The following DGKB variants were observed in gnomAD, a reference collection of about 807,000 sequenced individuals.
DGKB encodes the protein diacylglycerol kinase beta, also known as 90 kDa diacylglycerol kinase.
A neutral mutation model predicts 114.3 loss-of-function variants in DGKB; 67 were observed. That is an observed-to-expected ratio of 0.59 (90% CI 0.48 to 0.72). The LOEUF is 0.72. Among genes scored for constraint, DGKB ranks in the 30% least tolerant of loss-of-function variants. DGKB has a pLI of 0.00. For missense variants in DGKB, 907 were observed against 975.2 expected (o/e 0.93, Z 0.93); for synonymous variants, 398 against 323.1 (o/e 1.23, Z -2.49).
chr7:14,736,472 G>A (rs926341935), intron 4 of DGKB, among the ~76,000 whole-genome samples: 2 of 79,854 alleles, frequency 2.5e-5, no homozygotes, highest in Non-Finnish European at 8.8e-5. Context: ...CTTGAAAAAT[G>A]TACTGTTTGA....
intron 21 of DGKB, 115 bp downstream of exon 21, chr7:14,478,040 ACACACG>A: frequency 1.1e-5 from 6 of 558,520 alleles, no homozygotes; most frequent in African/African-American, 7.6e-5. Flanking sequence ...ACACACACAC[ACACACG>A]CACACAAAGC....
At chr7:14,428,310 T>C (rs1380885187) in intron 21 of DGKB, among the ~76,000 whole-genome samples, 2 of 152,136 alleles carry the variant, frequency 1.3e-5, no homozygotes, top group Admixed American at 1.3e-4. Context: ...ATTTTGACTT[T>C]CACTTCTGTA....
intron 4 of DGKB, chr7:14,750,146 A>C (rs1010684619): frequency 3.9e-6 from 2 of 518,594 alleles, no homozygotes; most frequent in East Asian, 1.1e-4. Context: ...GCCCAACACC[A>C]CAAGCTTCTA....
intron 6 of DGKB, among the ~76,000 whole-genome samples, chr7:14,705,361 T>TG (rs1213755170): frequency 6.7e-6 from 1 of 148,708 alleles, no homozygotes; most frequent in Non-Finnish European, 1.5e-5. Flanking sequence ...CTGAAAGTGA[T>TG]GGGGAGAATG....
intron 4 of DGKB, among the ~76,000 whole-genome samples, chr7:14,741,478 A>C (rs954920464): frequency 4.6e-5 from 7 of 152,190 alleles, no homozygotes; most frequent in African/African-American, 1.7e-4. Flanking sequence ...CCACTATTCA[A>C]GTCAGCCTGG....
intron 20 of DGKB, among the ~76,000 whole-genome samples, chr7:14,495,392 T>A (rs1225005941): frequency 6.6e-6 from 1 of 151,790 alleles, no homozygotes; most frequent in Non-Finnish European, 1.5e-5. Flanking sequence ...GCACAACAAT[T>A]TCACTGTTAT....
intron 2 of DGKB, among the ~76,000 whole-genome samples, chr7:14,822,789 T>C (rs1845122348): frequency 1.3e-5 from 2 of 152,088 alleles, no homozygotes; most frequent in South Asian, 4.1e-4. Context: ...AAATAACAGA[T>C]CAAAGTGTTA....
chr7:14,450,660 T>A (rs1481910224), intron 21 of DGKB, among the ~76,000 whole-genome samples: 2 of 152,004 alleles, frequency 1.3e-5, no homozygotes, highest in Non-Finnish European at 2.9e-5. Flanking sequence ...TCTTGGGAGA[T>A]CCTTCTGTGA....
intron 5 of DGKB, among the ~76,000 whole-genome samples, chr7:14,721,699 A>G (rs1181629576): frequency 6.6e-6 from 1 of 152,156 alleles, no homozygotes; most frequent in Non-Finnish European, 1.5e-5. Flanking sequence ...AGAACTAATC[A>G]ACTCTTCCTT....
At chr7:14,438,090 C>A (rs1219007749) in intron 21 of DGKB, among the ~76,000 whole-genome samples, 1 of 151,856 alleles carries the variant, frequency 6.6e-6, no homozygotes, top group African/African-American at 2.4e-5. Context: ...CTCCCCACAC[C>A]ACAACCCCCA....
At chr7:14,729,001 C>A (rs972745851) in intron 5 of DGKB, among the ~76,000 whole-genome samples, 1 of 151,780 alleles carries the variant, frequency 6.6e-6, no homozygotes, top group African/African-American at 2.4e-5. Flanking sequence ...TGCCAAGGCT[C>A]CAGCCTCTTT....
chr7:14,894,050 T>C (rs1781720039), intron 1 of DGKB, among the ~76,000 whole-genome samples: 1 of 151,226 alleles, frequency 6.6e-6, no homozygotes, highest in African/African-American at 2.4e-5. Context: ...TCCTAAAATG[T>C]GCTCCAGGGT....
intron 23 of DGKB, among the ~76,000 whole-genome samples, chr7:14,310,124 G>T (rs1337510782): frequency 6.6e-6 from 1 of 152,146 alleles, no homozygotes; most frequent in Non-Finnish European, 1.5e-5. Flanking sequence ...GAGCATGCCT[G>T]AGAAAATATA....
At chr7:14,758,375 C>T (rs1299132774) in intron 2 of DGKB, among the ~76,000 whole-genome samples, 2 of 151,758 alleles carry the variant, frequency 1.3e-5, no homozygotes, top group African/African-American at 4.8e-5. Flanking sequence ...AAGTTAAATA[C>T]ATTAATATGA....
At position 14,178,117 on chromosome 7, in the gene DGKB, C is replaced by T; in HGVS notation, c.2157G>A (p.Leu719=). 1.9e-6 allele frequency: 3 copies of T among 1,613,128 alleles called. No individual in the cohort carries two copies. The highest frequency in any genetic ancestry group is 1.1e-5 in the South Asian group (1 of 90,984). ...LSDQLLEVVG[L]EGAMEMGQIY... The stretch of plus-strand genomic sequence containing the variant: ...TTTGCCCCATCTCCATGGCTCCTTC[C>T]AAGCCGACCACCTCCAGCAGCTGGT... The change falls in exon 24 of 26, where the codon TTG becomes TTA. Residue 719 remains leucine, a synonymous_variant. Transcript: ENST00000402815.
chr7:14,754,827 G>A (rs2128441927), intron 3 of DGKB, among the ~76,000 whole-genome samples: 1 of 152,260 alleles, frequency 6.6e-6, no homozygotes, highest in African/African-American at 2.4e-5. Flanking sequence ...GTACTGGGAA[G>A]TGCCACACTC....
intron 2 of DGKB, among the ~76,000 whole-genome samples, chr7:14,810,432 G>A: frequency 6.6e-6 from 1 of 152,104 alleles, no homozygotes; most frequent in Admixed American, 6.6e-5. Flanking sequence ...CCACAAATGT[G>A]TTCTGCAAAT....
chr7:14,492,085 G>A (rs991401750), intron 20 of DGKB, among the ~76,000 whole-genome samples: 1 of 151,932 alleles, frequency 6.6e-6, no homozygotes. Flanking sequence ...AGAGATAAAA[G>A]TGTTTTGTTT....
At chr7:14,631,230 T>C (rs1809626890) in intron 13 of DGKB, among the ~76,000 whole-genome samples, 1 of 140,174 alleles carries the variant, frequency 7.1e-6, no homozygotes, top group South Asian at 2.3e-4. Context: ...TATAGTCCCT[T>C]ACCCAGGAGA....
Sources: allele counts gnomAD v4.1 joint callset (sites outside exome capture counted in the v4.1 genomes callset), GRCh38; gene constraint gnomAD v4.1.1; transcripts MANE v1.5; gene names NCBI Gene and HGNC (gene_info 2026-07-23, HGNC 2026-07-21).